The following PRDM5 variants were observed in gnomAD, a reference collection of about 807,000 sequenced individuals.
PRDM5 encodes PR domain zinc finger protein 5.
Under a neutral mutation model 81.2 loss-of-function variants are expected in PRDM5, and 56 were observed. The ratio of observed to expected loss-of-function variants is 0.69; its 90% CI spans 0.56 to 0.86. The LOEUF (loss-of-function observed/expected upper bound fraction) is 0.86. Ranked by LOEUF, PRDM5 falls within the 40% of genes least tolerant of loss-of-function variation. PRDM5 has a pLI of 0.00. For synonymous variants in PRDM5, 267 were observed against 256.4 expected, an observed-to-expected ratio of 1.04 and a Z score of -0.39; for missense variants, 697 against 770.1, an observed-to-expected ratio of 0.91 and a Z score of 1.12.
intron 14 of PRDM5, among the ~76,000 whole-genome samples, chr4:120,715,971 C>G (rs1737674862): frequency 1.3e-5 from 2 of 152,152 alleles, no homozygotes; most frequent in Admixed American, 1.3e-4. Context: ...GGTGAGTATC[C>G]TAGACATTGC....
chr4:120,743,954 C>T (rs1742545819), intron 14 of PRDM5, among the ~76,000 whole-genome samples: 1 of 152,058 alleles, frequency 6.6e-6, no homozygotes, highest in Non-Finnish European at 1.5e-5. Flanking sequence ...CAGAACTCTT[C>T]ACCCCAAATC....
chr4:120,835,260 G>GACA (rs1220285088), intron 3 of PRDM5, among the ~76,000 whole-genome samples: 6 of 152,084 alleles, frequency 3.9e-5, no homozygotes, highest in Non-Finnish European at 7.4e-5. Flanking sequence ...TGAATGTGAC[G>GACA]ACAAAGAGCA....
intron 7 of PRDM5, among the ~76,000 whole-genome samples, chr4:120,815,524 G>A (rs1236019093): frequency 6.6e-6 from 1 of 152,166 alleles, no homozygotes; most frequent in Non-Finnish European, 1.5e-5. Flanking sequence ...TTATTAAAGT[G>A]AATACTTTTT....
intron 15 of PRDM5, among the ~76,000 whole-genome samples, chr4:120,707,117 A>C (rs973860574): frequency 6.6e-6 from 1 of 152,114 alleles, no homozygotes; most frequent in Non-Finnish European, 1.5e-5. Flanking sequence ...GTTATGAAAA[A>C]AGAAAACTAC....
intron 13 of PRDM5, among the ~76,000 whole-genome samples, chr4:120,768,892 T>C (rs1438852396): frequency 1.3e-5 from 2 of 152,210 alleles, no homozygotes; most frequent in African/African-American, 2.4e-5. Context: ...TTAATGATCA[T>C]TTGTTATACA....
At chr4:120,788,099 G>A (rs1002792838) in intron 10 of PRDM5, among the ~76,000 whole-genome samples, 1 of 152,192 alleles carries the variant, frequency 6.6e-6, no homozygotes, top group East Asian at 1.9e-4. Flanking sequence ...AATGACAAAT[G>A]TGCACATCCC....
chr4:120,729,155 C>T (rs1013055084), intron 14 of PRDM5, among the ~76,000 whole-genome samples: 1 of 152,252 alleles, frequency 6.6e-6, no homozygotes. Flanking sequence ...GTTTTTACTT[C>T]AGCATCAGCA....
At chr4:120,796,626 G>A (rs762277262) in intron 10 of PRDM5, among the ~76,000 whole-genome samples, 25 of 152,142 alleles carry the variant, frequency 1.6e-4, no homozygotes, top group Admixed American at 2.0e-4. Context: ...GTCCTGCCCC[G>A]AATGTACAAT....
At chr4:120,702,509 C>T (rs1173609166) in intron 15 of PRDM5, among the ~76,000 whole-genome samples, 5 of 152,192 alleles carry the variant, frequency 3.3e-5, no homozygotes, top group South Asian at 4.2e-4. Context: ...TCATGATTTG[C>T]GTTATTTTTT....
chr4:120,901,317 T>G (rs1014571348), intron 2 of PRDM5, among the ~76,000 whole-genome samples: 1 of 152,180 alleles, frequency 6.6e-6, no homozygotes, highest in Non-Finnish European at 1.5e-5. Flanking sequence ...ATAAATAAAA[T>G]CATGATAATT....
chr4:120,792,993 T>C (rs1179387738), intron 10 of PRDM5, among the ~76,000 whole-genome samples: 1 of 152,126 alleles, frequency 6.6e-6, no homozygotes, highest in African/African-American at 2.4e-5. Context: ...AAGTAAGTTC[T>C]AGAGATGTAT....
chr4:120,786,150 CTTTA>C (rs774335386), intron 10 of PRDM5, among the ~76,000 whole-genome samples: 14 of 152,006 alleles, frequency 9.2e-5, no homozygotes, highest in Non-Finnish European at 1.3e-4. Flanking sequence ...AGAAAAGTCA[CTTTA>C]TTTATAGCCT....
chr4:120,687,110 T>A, downstream of PRDM5, among the ~76,000 whole-genome samples: 1 of 152,174 alleles, frequency 6.6e-6, no homozygotes, highest in Non-Finnish European at 1.5e-5. Context: ...ACGTACTTAT[T>A]TTTAGAAGAG....
chr4:120,836,576 A>G (rs1757380385), intron 3 of PRDM5, among the ~76,000 whole-genome samples: 1 of 152,222 alleles, frequency 6.6e-6, no homozygotes. Flanking sequence ...GATCAACTGT[A>G]AACATCACCA....
intron 7 of PRDM5, among the ~76,000 whole-genome samples, chr4:120,815,128 AG>A (rs1754316639): frequency 6.6e-6 from 1 of 152,232 alleles, no homozygotes; most frequent in African/African-American, 2.4e-5. Context: ...CTGACATGAA[AG>A]TTCTATTACA....
chr4:120,796,119 T>C (rs1430320164), intron 10 of PRDM5, among the ~76,000 whole-genome samples: 1 of 152,148 alleles, frequency 6.6e-6, no homozygotes, highest in Non-Finnish European at 1.5e-5. Flanking sequence ...AAGATCACAC[T>C]GACTCTTAAC....
At chr4:120,741,088 T>A (rs148463993) in intron 14 of PRDM5, among the ~76,000 whole-genome samples, 1 of 152,244 alleles carries the variant, frequency 6.6e-6, no homozygotes, top group East Asian at 1.9e-4. Flanking sequence ...CCCAATCCGA[T>A]TCAACCAACT....
intron 2 of PRDM5, among the ~76,000 whole-genome samples, chr4:120,881,614 AT>A (rs1265468409): frequency 1.3e-5 from 2 of 152,176 alleles, no homozygotes; most frequent in Non-Finnish European, 2.9e-5. Context: ...CATATAAAGA[AT>A]TTTTTAAAAC....
intron 15 of PRDM5, among the ~76,000 whole-genome samples, chr4:120,699,195 TATATATATA>T (rs202227210): frequency 0.049 from 3,706 of 75,984 alleles, 118 homozygotes; most frequent in East Asian, 0.29. Flanking sequence ...TATATATATA[TATATATATA>T]TTTCAGATGT....
Sources: gnomAD v4.1 joint callset for allele counts (sites outside exome capture counted in the v4.1 genomes callset) on GRCh38, gnomAD v4.1.1 for gene constraint, MANE v1.5 for transcripts, NCBI Gene and HGNC (gene_info 2026-07-23, HGNC 2026-07-21) for gene names.